Variants in CHD2 observed in about 807,000 individuals in gnomAD.
CHD2 encodes the protein ATP-dependent chromatin remodeler CHD2.
Under a neutral mutation model 243.9 loss-of-function variants are expected in CHD2, and 28 were observed. That is an observed-to-expected ratio of 0.11 (90% CI 0.09 to 0.16). The LOEUF is 0.16. CHD2 is among the 10% of genes least tolerant of loss of function. The pLI is 1.00. For missense variants in CHD2, 1,386 were observed against 2,209.8 expected (o/e 0.63, Z 7.47); for synonymous variants, 775 against 779.0 (o/e 0.99, Z 0.09).
intron 16 of CHD2, among the ~76,000 whole-genome samples, chr15:92,957,839 G>A: frequency 6.6e-6 from 1 of 152,132 alleles, no homozygotes; most frequent in South Asian, 2.1e-4. Context: ...TCCACATATA[G>A]CCTTAGGCAA....
At chr15:92,963,221 G>C (rs1347024498) in intron 16 of CHD2, among the ~76,000 whole-genome samples, 1 of 152,002 alleles carries the variant, frequency 6.6e-6, no homozygotes, top group East Asian at 1.9e-4. Context: ...TTTACTATTT[G>C]TTTTCCATAT....
intron 2 of CHD2, among the ~76,000 whole-genome samples, chr15:92,907,236 A>G (rs568152111): frequency 2.8e-4 from 42 of 152,360 alleles, no homozygotes; most frequent in African/African-American, 9.6e-4. Context: ...ATGATGGAGG[A>G]CATAGATATG....
At chr15:92,979,997 G>T (rs2053957248) in intron 22 of CHD2, among the ~76,000 whole-genome samples, 1 of 151,598 alleles carries the variant, frequency 6.6e-6, no homozygotes, top group African/African-American at 2.4e-5. Context: ...ATTTTGAGCA[G>T]ATTGTTGAGT....
rs371372802 is a variant in CHD2, at chr15:92,943,106, AGC to A, written c.1052+39_1052+40del. ...TCATGGATTAAAGAAATGTATTTGC[AGC>A]CTGAAAGAAGGGAAGGTTTTAAAAT... On this transcript the variant is annotated intron_variant, in intron 9 of 38. Transcript: ENST00000394196. 2.8e-4 allele frequency: 423 copies of A among 1,509,492 alleles called. 1 individual carries two copies. In the African/African-American group the frequency reaches 5.3e-3, roughly 19 times the overall value. The allele number at this position is 1,509,492 out of a possible 1,614,324, so 93.5% of individuals were successfully genotyped here.
intron 16 of CHD2, among the ~76,000 whole-genome samples, chr15:92,961,032 GTTTT>G (rs2053681334): frequency 1.3e-5 from 2 of 151,724 alleles, no homozygotes; most frequent in African/African-American, 4.8e-5. Flanking sequence ...CCGCATTTGT[GTTTT>G]TTATTTTAAT....
intron 16 of CHD2, among the ~76,000 whole-genome samples, chr15:92,957,148 C>A (rs1446108022): frequency 1.3e-5 from 2 of 152,156 alleles, no homozygotes; most frequent in Admixed American, 6.5e-5. Flanking sequence ...TGGTATTCAG[C>A]GATACTTAGA....
chr15:93,006,610 G>A (rs1057213333), intron 34 of CHD2, among the ~76,000 whole-genome samples: 5 of 152,214 alleles, frequency 3.3e-5, no homozygotes, highest in Non-Finnish European at 7.3e-5. Flanking sequence ...GTACGTTAGT[G>A]TTTCCATTTT....
rs538150760 is a variant in CHD2 at position 93,025,048 on chromosome 15, T to C, written c.*343T>C. ...CAGGGGATCTTCAGAGTCATGAATG[T>C]TTTCTTGCCAGGGTCAGTGTTCCCA... On this transcript the variant is annotated 3_prime_UTR_variant, in exon 39 of 39. Coordinates refer to ENST00000394196, the MANE Select transcript of CHD2 (RefSeq NM_001271.4). 21 of 252,052 alleles carry C rather than the reference T, an allele frequency of 8.3e-5. 1 individual carries two copies. The South Asian group carries it at 1.4e-3, about 17-fold the overall frequency. The allele number at this position is 252,052 out of a possible 1,614,324, so 15.6% of individuals were successfully genotyped here. A position where few individuals can be genotyped will look rare whatever the true frequency, so the allele number is the denominator to read the frequency against.
chr15:93,002,141 T>G (rs1295776253), intron 32 of CHD2, 36 bp from the exon 33 acceptor site: 1 of 1,569,108 alleles, frequency 6.4e-7, no homozygotes, highest in Admixed American at 2.1e-5. Flanking sequence ...ATATAAAATT[T>G]GTAGCAAAAA....
In CHD2 at chr15:92,949,222, T is replaced by C. The variant is rs140122653; in HGVS notation, c.1502+146T>C. On this transcript the variant is annotated intron_variant, in intron 13 of 38. Transcript: ENST00000394196. ...TGCTGCATATTACAGAAATAAAAGA[T>C]GATTGAGAGAAATGCTTCCTGGGAG... 4.1e-6 allele frequency: 6 copies of C among 1,471,554 alleles called. No homozygotes were observed. In the East Asian group the frequency reaches 9.7e-5, roughly 24 times the overall value. 91.2% of individuals were successfully genotyped at this position (1,471,554 alleles called of 1,614,324 possible).
At chr15:92,967,704 T>G (rs2053785189) in intron 17 of CHD2, among the ~76,000 whole-genome samples, 191 bp downstream of exon 17, 1 of 151,966 alleles carries the variant, frequency 6.6e-6, no homozygotes, top group African/African-American at 2.4e-5. Context: ...TTTTTTTGTA[T>G]TTTTAGTAGA....
chr15:92,981,342 C>T (rs753461870), intron 23 of CHD2, 23 bp from the exon 24 acceptor site: 33 of 1,572,890 alleles, frequency 2.1e-5, no homozygotes, highest in East Asian at 1.8e-4. Flanking sequence ...TTATTCTATT[C>T]GTGTTGGCTT....
chr15:93,018,521 C>T (rs2054490798), intron 37 of CHD2, among the ~76,000 whole-genome samples: 1 of 152,148 alleles, frequency 6.6e-6, no homozygotes, highest in Non-Finnish European at 1.5e-5. Context: ...TTTGGTTAGT[C>T]CTCTGTATTA....
chr15:92,977,906 C>T (rs2053930633), intron 20 of CHD2, among the ~76,000 whole-genome samples: 1 of 152,158 alleles, frequency 6.6e-6, no homozygotes, highest in Non-Finnish European at 1.5e-5. Context: ...TAATGATCTC[C>T]ATGATAATTG....
chr15:93,027,869 C>G lies in CHD2; in HGVS notation c.*3164C>G, dbSNP rs898815558. 7 of 152,636 alleles carry G rather than the reference C, an allele frequency of 4.6e-5. No homozygotes were observed. The highest frequency in any genetic ancestry group is 1.4e-4 in the African/African-American group (6 of 41,440). 9.5% of individuals were successfully genotyped at this position (152,636 alleles called of 1,614,324 possible). A position where few individuals can be genotyped will look rare whatever the true frequency, so the allele number is the denominator to read the frequency against. On this transcript the variant is annotated 3_prime_UTR_variant, in exon 39 of 39. Transcript: ENST00000394196. ...AATTAATTTATATTTGTGAAAAATG[C>G]CACTGTCCTAGTGATTTCTGATGTA...
chr15:92,962,272 A>C (rs1430141266), intron 16 of CHD2, among the ~76,000 whole-genome samples: 1 of 151,924 alleles, frequency 6.6e-6, no homozygotes, highest in East Asian at 1.9e-4. Flanking sequence ...GATACAGTTT[A>C]GATTACTGAT....
At chr15:92,918,925 C>A (rs1290178733) in intron 2 of CHD2, among the ~76,000 whole-genome samples, 4 of 151,250 alleles carry the variant, frequency 2.6e-5, no homozygotes, top group East Asian at 1.9e-4. Context: ...GTGGTGTGAT[C>A]TCGGCTCACT....
At chr15:92,902,713 T>A (rs1388054396) in intron 2 of CHD2, 7 of 152,210 alleles carry the variant, frequency 4.6e-5, no homozygotes, top group Admixed American at 2.6e-4. Flanking sequence ...TGTTTTTTTC[T>A]GGAAAGTAAT....
At chr15:92,916,210 A>C (rs1398053754) in intron 2 of CHD2, among the ~76,000 whole-genome samples, 4 of 149,070 alleles carry the variant, frequency 2.7e-5, no homozygotes, top group Non-Finnish European at 5.9e-5. Context: ...GTGAAAACCA[A>C]GCTGTGCCCC....
Sources: allele counts gnomAD v4.1 joint callset (sites outside exome capture counted in the v4.1 genomes callset), GRCh38; gene constraint gnomAD v4.1.1; transcripts MANE v1.5; gene names NCBI Gene and HGNC (gene_info 2026-07-23, HGNC 2026-07-21).